Variants in NSMCE2 observed in about 807,000 individuals in gnomAD.
The protein encoded by NSMCE2 is NSE2 SUMO ligase component of SMC5/6 complex, also known as E3 SUMO-protein ligase NSE2.
A neutral mutation model predicts 23.8 loss-of-function variants in NSMCE2; 24 were observed. The observed-to-expected ratio is 1.01, with a 90% CI of 0.73 to 1.42. The LOEUF (loss-of-function observed/expected upper bound fraction) is 1.42. Among genes scored for constraint, NSMCE2 ranks in the 40% most tolerant of loss-of-function variants. NSMCE2 has a pLI of 0.00. For synonymous variants in NSMCE2, 92 were observed against 94.1 expected (o/e 0.98, Z 0.13); for missense variants, 284 against 296.5 (o/e 0.96, Z 0.31).
At chr8:125,335,598 G>T (rs145807634) in intron 5 of NSMCE2, among the ~76,000 whole-genome samples, 1 of 152,210 alleles carries the variant, frequency 6.6e-6, no homozygotes, top group Non-Finnish European at 1.5e-5. Flanking sequence ...CAAAATGGGG[G>T]TGATACTCCA....
At chr8:125,175,010 A>G (rs1031094859) in intron 4 of NSMCE2, among the ~76,000 whole-genome samples, 6 of 152,206 alleles carry the variant, frequency 3.9e-5, no homozygotes, top group African/African-American at 9.7e-5. Context: ...GACAGAGGCA[A>G]TATACTAAAC....
chr8:125,110,228 A>G (rs1818661351), intron 3 of NSMCE2, among the ~76,000 whole-genome samples: 1 of 152,204 alleles, frequency 6.6e-6, no homozygotes, highest in South Asian at 2.1e-4. Context: ...ATGCTCTGCA[A>G]TTCTACAAAA....
chr8:125,184,591 CA>C (rs767795021), intron 5 of NSMCE2, among the ~76,000 whole-genome samples: 8 of 151,958 alleles, frequency 5.3e-5, no homozygotes, highest in Non-Finnish European at 1.0e-4. Context: ...AATGACAGAA[CA>C]AGCAAAATAT....
At chr8:125,288,808 T>G (rs1827995767) in intron 5 of NSMCE2, among the ~76,000 whole-genome samples, 1 of 152,168 alleles carries the variant, frequency 6.6e-6, no homozygotes, top group African/African-American at 2.4e-5. Context: ...TTTATTTTTA[T>G]TTTTTGAGAC....
At position 125,333,505 on chromosome 8, in the gene NSMCE2, C is replaced by CTTTTTTTTTTTT. The variant is rs71295847; in HGVS notation, c.419-23698_419-23687dup. 4.8e-3 allele frequency among the ~76,000 whole-genome samples: 219 copies of CTTTTTTTTTTTT among 45,626 alleles called. 37 individuals are homozygous for CTTTTTTTTTTTT. The highest frequency in any genetic ancestry group is 5.7e-3 in the Non-Finnish European group (152 of 26,614). The allele number at this position is 45,626 out of a possible 152,430, so 29.9% of individuals were successfully genotyped here. A position where few individuals can be genotyped will look rare whatever the true frequency, so the allele number is the denominator to read the frequency against. On this transcript the variant is annotated intron_variant, in intron 5 of 7. Transcript: ENST00000287437. ...TTCTAATGTAGTTTTCCTGGTGGTT[C>CTTTTTTTTTTTT]TTTTTTTTTTTTTTTTTTTTTTTTT...
intron 7 of NSMCE2, among the ~76,000 whole-genome samples, chr8:125,359,329 TC>T (rs1563805258): frequency 4.0e-5 from 5 of 125,316 alleles, no homozygotes; most frequent in South Asian, 5.5e-4. Context: ...TTGCTCTTTC[TC>T]TTTTTTTTTT....
At chr8:125,288,456 C>T (rs750159647) in intron 5 of NSMCE2, among the ~76,000 whole-genome samples, 1 of 152,120 alleles carries the variant, frequency 6.6e-6, no homozygotes, top group Admixed American at 6.6e-5. Context: ...ATTATTTTGC[C>T]TCTGAGCTAT....
At chr8:125,146,711 A>G (rs1820693943) in intron 3 of NSMCE2, among the ~76,000 whole-genome samples, 2 of 152,148 alleles carry the variant, frequency 1.3e-5, no homozygotes, top group South Asian at 4.1e-4. Flanking sequence ...ACACATGGTC[A>G]CAGGAAGGGG....
At chr8:125,242,447 A>G (rs561342449) in intron 5 of NSMCE2, among the ~76,000 whole-genome samples, 59 of 152,204 alleles carry the variant, frequency 3.9e-4, no homozygotes, top group African/African-American at 1.3e-3. Context: ...TATCACCTCT[A>G]AAGTGTCCAA....
At chr8:125,274,475 A>G (rs2131100909) in intron 5 of NSMCE2, among the ~76,000 whole-genome samples, 1 of 152,276 alleles carries the variant, frequency 6.6e-6, no homozygotes, top group Middle Eastern at 3.4e-3. Flanking sequence ...TCTCTCAGTT[A>G]ACTCCATGTC....
intron 5 of NSMCE2, among the ~76,000 whole-genome samples, chr8:125,274,960 C>T (rs1428553323): frequency 2.1e-5 from 3 of 145,354 alleles, no homozygotes; most frequent in African/African-American, 7.6e-5. Flanking sequence ...CCTATTTGTT[C>T]TTGAGTAGTC....
chr8:125,170,578 T>C (rs548320999), intron 4 of NSMCE2, among the ~76,000 whole-genome samples: 126 of 151,956 alleles, frequency 8.3e-4, no homozygotes, highest in African/African-American at 2.9e-3. Flanking sequence ...CGACTAACTT[T>C]TGTGTTTTTA....
chr8:125,145,362 C>T (rs1004496029), intron 3 of NSMCE2, among the ~76,000 whole-genome samples: 1 of 151,942 alleles, frequency 6.6e-6, no homozygotes, highest in African/African-American at 2.4e-5. Flanking sequence ...TATCTGTGCC[C>T]TTTGGACTTG....
intron 3 of NSMCE2, among the ~76,000 whole-genome samples, chr8:125,106,099 A>G (rs1818446267): frequency 6.6e-6 from 1 of 152,068 alleles, no homozygotes; most frequent in Non-Finnish European, 1.5e-5. Flanking sequence ...GAGTCAAAAT[A>G]ACAAAGTAGT....
intron 3 of NSMCE2, among the ~76,000 whole-genome samples, chr8:125,128,260 G>C (rs1441100666): frequency 2.6e-5 from 4 of 152,098 alleles, no homozygotes; most frequent in Non-Finnish European, 5.9e-5. Flanking sequence ...GTGGGAAATG[G>C]CTTCCTAGGA....
intron 5 of NSMCE2, among the ~76,000 whole-genome samples, chr8:125,340,013 T>G (rs1278105692): frequency 4.7e-5 from 2 of 42,768 alleles, no homozygotes; most frequent in Non-Finnish European, 1.0e-4. Flanking sequence ...TTTTTTTTTG[T>G]TTTTTTTTTT....
At chr8:125,289,828 C>A (rs910380306) in intron 5 of NSMCE2, among the ~76,000 whole-genome samples, 1 of 152,182 alleles carries the variant, frequency 6.6e-6, no homozygotes, top group Non-Finnish European at 1.5e-5. Flanking sequence ...AGTTGTTAAT[C>A]ACACTAGCTG....
chr8:125,127,290 G>A (rs1819560778), intron 3 of NSMCE2, among the ~76,000 whole-genome samples: 1 of 152,176 alleles, frequency 6.6e-6, no homozygotes, highest in Non-Finnish European at 1.5e-5. Flanking sequence ...CTGTTAGGAT[G>A]GGGAATGGCA....
chr8:125,327,265 C>CAAAAAAA (rs59574355), intron 5 of NSMCE2, among the ~76,000 whole-genome samples: 1 of 118,692 alleles, frequency 8.4e-6, no homozygotes, highest in Non-Finnish European at 1.7e-5. Flanking sequence ...GACTCCATCT[C>CAAAAAAA]AAAAAAAAAA....
Sources: gnomAD v4.1 joint callset for allele counts (sites outside exome capture counted in the v4.1 genomes callset) on GRCh38, gnomAD v4.1.1 for gene constraint, MANE v1.5 for transcripts, NCBI Gene and HGNC (gene_info 2026-07-23, HGNC 2026-07-21) for gene names.